The following P2RX7 variants were observed in gnomAD, a reference collection of about 807,000 sequenced individuals.
The protein encoded by P2RX7 is purinergic receptor P2X 7, also known as P2X purinoceptor 7.
Under a neutral mutation model 71.6 loss-of-function variants are expected in P2RX7, and 62 were observed. The ratio of observed to expected loss-of-function variants is 0.87; its 90% CI spans 0.71 to 1.07. The LOEUF (loss-of-function observed/expected upper bound fraction) is 1.07, where lower values mean the gene tolerates loss of function less well. Among genes scored for constraint, P2RX7 ranks in the 50% least tolerant of loss-of-function variants. P2RX7 has a pLI of 0.00. For missense variants in P2RX7, 686 were observed against 748.5 expected (o/e 0.92, Z 0.97); for synonymous variants, 299 against 283.3 (o/e 1.06, Z -0.56).
intron 3 of P2RX7, among the ~76,000 whole-genome samples, chr12:121,159,897 C>A (rs1879304274): frequency 6.6e-6 from 1 of 152,194 alleles, no homozygotes; most frequent in Non-Finnish European, 1.5e-5. Flanking sequence ...TCCCCCATCC[C>A]AGCCAGCATC....
chr12:121,157,978 C>T (rs1434569690), intron 3 of P2RX7, among the ~76,000 whole-genome samples: 1 of 152,196 alleles, frequency 6.6e-6, no homozygotes, highest in Admixed American at 6.5e-5. Context: ...GTGACTGGAA[C>T]CCAACAGGTT....
rs577557899 is a variant in P2RX7 at position 121,155,174 on chromosome 12, A to G, written c.294+221A>G. 2.7e-6 allele frequency: 4 copies of G among 1,494,606 alleles called. No individual in the cohort carries two copies. The East Asian group carries it at 1.1e-4, about 40-fold the overall frequency. 92.6% of individuals were successfully genotyped at this position (1,494,606 alleles called of 1,614,324 possible). ...CAAGTCCTACAGGGTTTCTCAAAAT[A>G]GCCTCATGTCCTGGTGCATTGAAAA... On this transcript the variant is annotated intron_variant, in intron 2 of 12. Coordinates refer to ENST00000328963, the MANE Select transcript of P2RX7 (RefSeq NM_002562.6).
At chr12:121,152,359 C>A (rs1877629931) in intron 1 of P2RX7, among the ~76,000 whole-genome samples, 1 of 151,532 alleles carries the variant, frequency 6.6e-6, no homozygotes, top group African/African-American at 2.4e-5. Context: ...GACAGGGTCT[C>A]ACTCTGTTGC....
chr12:121,161,008 G>A (rs764669349), intron 4 of P2RX7, 34 bp downstream of exon 4: 2 of 1,534,604 alleles, frequency 1.3e-6, no homozygotes, highest in African/African-American at 2.7e-5. Context: ...GACCCTAGGG[G>A]TGGATGGTCT....
intron 1 of P2RX7, among the ~76,000 whole-genome samples, chr12:121,138,837 C>G (rs1263996451): frequency 6.6e-6 from 1 of 152,220 alleles, no homozygotes; most frequent in Non-Finnish European, 1.5e-5. Flanking sequence ...GCTTCTTGGC[C>G]CATGGAGGTT....
chr12:121,160,677 C>T (rs554140809), intron 3 of P2RX7, among the ~76,000 whole-genome samples: 22 of 152,208 alleles, frequency 1.4e-4, no homozygotes, highest in Non-Finnish European at 3.1e-4. Context: ...TGTGTCATTG[C>T]TTCATCCTTC....
At chr12:121,161,807 C>G (rs1879783068) in intron 4 of P2RX7, among the ~76,000 whole-genome samples, 1 of 142,536 alleles carries the variant, frequency 7.0e-6, no homozygotes. Context: ...AAAAAAAAGG[C>G]ACAGGGCAAT....
intron 1 of P2RX7, among the ~76,000 whole-genome samples, chr12:121,148,193 TTTA>T (rs979589138): frequency 8.0e-6 from 1 of 125,524 alleles, no homozygotes; most frequent in Non-Finnish European, 1.8e-5. Flanking sequence ...ATCTTTTTTA[TTTA>T]TTTATTTATT....
intron 7 of P2RX7, among the ~76,000 whole-genome samples, chr12:121,166,463 A>T (rs1233192821): frequency 6.6e-6 from 1 of 152,198 alleles, no homozygotes; most frequent in Non-Finnish European, 1.5e-5. Flanking sequence ...ATATTTGCTT[A>T]TGTTGCCAGA....
intron 2 of P2RX7, among the ~76,000 whole-genome samples, chr12:121,155,797 A>AC (rs967379888): frequency 8.6e-5 from 13 of 150,928 alleles, no homozygotes; most frequent in African/African-American, 3.2e-4. Flanking sequence ...CTGCGTAAAA[A>AC]AAAAACAAAA....
At chr12:121,170,543 A>T (rs1881975024) in intron 8 of P2RX7, among the ~76,000 whole-genome samples, 1 of 152,152 alleles carries the variant, frequency 6.6e-6, no homozygotes, top group African/African-American at 2.4e-5. Context: ...GGGAGGCCGA[A>T]GCAGGAGGAT....
chr12:121,151,018 G>A (rs977057709), intron 1 of P2RX7, among the ~76,000 whole-genome samples: 8 of 152,118 alleles, frequency 5.3e-5, no homozygotes, highest in Admixed American at 2.0e-4. Flanking sequence ...ATCCAGTTTT[G>A]CTCCCTGCAA....
chr12:121,162,520 G>T lies in P2RX7; in HGVS notation c.533G>T (p.Arg178Leu). The change falls in exon 5 of 13, where the codon CGG (arginine) becomes CTG (leucine). Residue 178 changes from arginine to leucine, a missense_variant and splice_region_variant. Transcript: ENST00000328963. The part of the protein sequence containing the change: ...CPIEAVEEAP[R>L]PALLNSAENF... ...ATCGAGGCAGTGGAAGAGGCCCCCC[G>T]GTGAGTCGCATGGGGAGACAGACAC... The T allele has an allele frequency of 6.2e-7, 1 of 1,612,222 alleles. No homozygotes were observed. The highest frequency in any genetic ancestry group is 8.5e-7 in the Non-Finnish European group (1 of 1,179,940).
chr12:121,167,740 G>A (rs1180412811), intron 8 of P2RX7, 116 bp downstream of exon 8: 2 of 819,106 alleles, frequency 2.4e-6, no homozygotes, highest in East Asian at 6.1e-5. Context: ...CTTTCTCTAA[G>A]AACTAGGTGA....
intron 1 of P2RX7, among the ~76,000 whole-genome samples, chr12:121,150,121 A>G (rs1877083896): frequency 6.6e-6 from 1 of 152,146 alleles, no homozygotes; most frequent in Admixed American, 6.6e-5. Flanking sequence ...GGTCATTAGC[A>G]CTTTCTTTCC....
intron 1 of P2RX7, among the ~76,000 whole-genome samples, chr12:121,144,357 C>T (rs1027744933): frequency 2.6e-5 from 4 of 152,092 alleles, no homozygotes; most frequent in African/African-American, 9.7e-5. Flanking sequence ...ACCAACACAC[C>T]TGGCTAATTT....
intron 1 of P2RX7, among the ~76,000 whole-genome samples, chr12:121,135,381 AT>A (rs1873333600): frequency 6.6e-6 from 1 of 151,744 alleles, no homozygotes; most frequent in African/African-American, 2.4e-5. Flanking sequence ...ATATAATAGT[AT>A]ATATGTATAT....
chr12:121,167,350 T>G (rs1593102811), intron 7 of P2RX7, 138 bp from the exon 8 acceptor site: 1 of 886,108 alleles, frequency 1.1e-6, no homozygotes, highest in Non-Finnish European at 1.7e-6. Flanking sequence ...GCGAGTTAGG[T>G]GGGGCTGTAC....
At position 121,177,415 on chromosome 12, in the gene P2RX7, A is replaced by G. The variant is rs746186293; in HGVS notation, c.1157A>G (p.Lys386Arg). Residue 386 changes from lysine to arginine, a missense_variant, in exon 11 of 13, where the codon AAG becomes AGG. Coordinates refer to ENST00000328963, the MANE Select transcript of P2RX7 (RefSeq NM_002562.6). The stretch of plus-strand genomic sequence containing the variant: ...GTGGTCAACGAATACTACTACAGGA[A>G]GAAGTGCGAGTCCATTGTGGAGCCA... Reference protein sequence around the residue: ...PCVVNEYYYRKKCESIVEPKP... With the variant: ...PCVVNEYYYRRKCESIVEPKP... 2 of 1,613,656 alleles carry G rather than the reference A, an allele frequency of 1.2e-6. No homozygotes were observed. Among genetic ancestry groups the G allele is most frequent in the Non-Finnish European group, 1.7e-6 (2 of 1,180,042 alleles).
Sources: allele counts gnomAD v4.1 joint callset (sites outside exome capture counted in the v4.1 genomes callset), GRCh38; gene constraint gnomAD v4.1.1; transcripts MANE v1.5; gene names NCBI Gene and HGNC (gene_info 2026-07-23, HGNC 2026-07-21).